The following RALYL variants were observed in gnomAD, a reference collection of about 807,000 sequenced individuals.
RALYL encodes RNA-binding Raly-like protein.
A neutral mutation model predicts 35.1 loss-of-function variants in RALYL; 29 were observed. The observed-to-expected ratio is 0.83, with a 90% CI of 0.61 to 1.13. RALYL has a LOEUF of 1.13. Among genes scored for constraint, RALYL ranks in the 50% most tolerant of loss-of-function variants. RALYL has a pLI of 0.00. For synonymous variants in RALYL, 120 were observed against 127.6 expected, an observed-to-expected ratio of 0.94 and a Z score of 0.40; for missense variants, 359 against 360.4, an observed-to-expected ratio of 1.00 and a Z score of 0.03.
At chr8:84,469,909 C>A (rs1030850269) in intron 1 of RALYL, among the ~76,000 whole-genome samples, 1 of 152,198 alleles carries the variant, frequency 6.6e-6, no homozygotes, top group Non-Finnish European at 1.5e-5. Flanking sequence ...TTTCCAGGTG[C>A]CGTCTGTCAG....
intron 1 of RALYL, among the ~76,000 whole-genome samples, chr8:84,410,951 CT>C (rs2044038997): frequency 6.6e-6 from 1 of 151,518 alleles, no homozygotes; most frequent in South Asian, 2.1e-4. Flanking sequence ...AGTTAATGGC[CT>C]TTTCACTGAA....
chr8:84,494,517 G>A (rs1231005711), intron 1 of RALYL, among the ~76,000 whole-genome samples: 2 of 152,158 alleles, frequency 1.3e-5, no homozygotes, highest in East Asian at 3.9e-4. Flanking sequence ...TCATGATATT[G>A]ATTCTTCCTG....
intron 1 of RALYL, among the ~76,000 whole-genome samples, chr8:84,523,750 G>A (rs2058665822): frequency 6.8e-6 from 1 of 146,846 alleles, no homozygotes; most frequent in Non-Finnish European, 1.5e-5. Context: ...CCACCTGTGA[G>A]TTAGAATATG....
intron 1 of RALYL, among the ~76,000 whole-genome samples, chr8:84,200,846 T>G (rs181043311): frequency 2.3e-4 from 35 of 152,312 alleles, no homozygotes; most frequent in African/African-American, 8.4e-4. Context: ...CACTTAACTC[T>G]TTTACTAGTT....
In RALYL at chr8:84,619,733, G is replaced by A. The variant is rs957131228; in HGVS notation, c.256+90156G>A. Among the ~76,000 whole-genome samples the A allele has an allele frequency of 2.2e-4, 33 of 151,604 alleles. 1 individual carries two copies. The highest frequency in any genetic ancestry group is 4.1e-4 in the African/African-American group (17 of 41,022). ...GCATGATTTTGCAGCAGCTGGTGCC[G>A]GTTGTTCCTTTCCATGTTTAGCGCT... is the stretch of plus-strand genomic sequence containing the variant. On this transcript the variant is annotated intron_variant, in intron 2 of 8. Transcript: ENST00000521268.
chr8:84,823,693 C>T (rs1379661281), intron 4 of RALYL, among the ~76,000 whole-genome samples: 1 of 152,034 alleles, frequency 6.6e-6, no homozygotes, highest in African/African-American at 2.4e-5. Context: ...ATTTTCCTCT[C>T]ACTCTCCTTC....
chr8:84,572,941 A>AT (rs548195839), intron 2 of RALYL, among the ~76,000 whole-genome samples: 16 of 150,778 alleles, frequency 1.1e-4, no homozygotes, highest in African/African-American at 3.2e-4. Context: ...TTTTTGCTTA[A>AT]TTTTTTTATG....
At chr8:84,777,172 G>C (rs1050686358) in intron 3 of RALYL, among the ~76,000 whole-genome samples, 2 of 152,146 alleles carry the variant, frequency 1.3e-5, no homozygotes, top group Admixed American at 6.5e-5. Context: ...GACAATAAAG[G>C]GTTTGTTCAA....
intron 1 of RALYL, among the ~76,000 whole-genome samples, chr8:84,394,735 T>C (rs1861418005): frequency 1.3e-5 from 2 of 151,960 alleles, no homozygotes; most frequent in South Asian, 4.1e-4. Context: ...ATTAGATTAA[T>C]AATGGAATTC....
At chr8:84,630,768 C>T (rs1261604621) in intron 2 of RALYL, among the ~76,000 whole-genome samples, 1 of 151,940 alleles carries the variant, frequency 6.6e-6, no homozygotes, top group Non-Finnish European at 1.5e-5. Flanking sequence ...GTAGGTACTC[C>T]ATAAACATCT....
Position 84,420,487 on chromosome 8 carries a change from G to T in RALYL, c.-23-108812G>T, listed in dbSNP as rs1253553022. On this transcript the variant is annotated intron_variant, in intron 1 of 8. Coordinates refer to ENST00000521268, the MANE Select transcript of RALYL (RefSeq NM_173848.7). ...GTTGGTTGCAAAAATTTTCTCCCAT[G>T]TTGTAGGTTGCCTGTTCACTCTGAT... Among the ~76,000 whole-genome samples, 27 of 150,394 alleles carry T rather than the reference G, an allele frequency of 1.8e-4. No homozygotes were observed. In the East Asian group the frequency reaches 3.5e-3, roughly 20 times the overall value.
At chr8:84,323,162 T>G (rs1799865975) in intron 1 of RALYL, among the ~76,000 whole-genome samples, 1 of 152,092 alleles carries the variant, frequency 6.6e-6, no homozygotes, top group Non-Finnish European at 1.5e-5. Context: ...TGGGTCTTCA[T>G]AAATAGAAGT....
chr8:84,531,053 T>C (rs369020518), intron 2 of RALYL, among the ~76,000 whole-genome samples: 1 of 151,752 alleles, frequency 6.6e-6, no homozygotes, highest in African/African-American at 2.4e-5. Flanking sequence ...ATCTTCCTCC[T>C]TCTTTCACTG....
chr8:84,674,805 G>A (rs1039092236), intron 2 of RALYL, among the ~76,000 whole-genome samples: 7 of 151,842 alleles, frequency 4.6e-5, no homozygotes, highest in African/African-American at 7.3e-5. Context: ...AGGTTATTAC[G>A]CATGAAATCC....
intron 2 of RALYL, among the ~76,000 whole-genome samples, chr8:84,568,252 A>G (rs1042080047): frequency 2.4e-5 from 3 of 126,432 alleles, no homozygotes; most frequent in South Asian, 2.5e-4. Flanking sequence ...TCCTGTGTCC[A>G]TGTGTTCTCA....
intron 3 of RALYL, among the ~76,000 whole-genome samples, chr8:84,784,583 C>G (rs1039605660): frequency 1.3e-5 from 2 of 152,080 alleles, no homozygotes; most frequent in African/African-American, 4.8e-5. Context: ...TAATTATGAA[C>G]AAGTTCTGCA....
At chr8:84,463,908 G>A (rs2051150191) in intron 1 of RALYL, among the ~76,000 whole-genome samples, 1 of 151,686 alleles carries the variant, frequency 6.6e-6, no homozygotes, top group South Asian at 2.1e-4. Context: ...TGTTTTTTAT[G>A]CCTGGCAACC....
chr8:84,701,913 A>C (rs919000770), intron 2 of RALYL, among the ~76,000 whole-genome samples: 3 of 152,138 alleles, frequency 2.0e-5, no homozygotes, highest in African/African-American at 7.2e-5. Flanking sequence ...CTCACATGGC[A>C]TGTTATGTTG....
intron 5 of RALYL, among the ~76,000 whole-genome samples, chr8:84,860,182 G>A (rs1837835804): frequency 6.6e-6 from 1 of 152,166 alleles, no homozygotes; most frequent in Admixed American, 6.5e-5. Flanking sequence ...AGTGAATATA[G>A]TGAACTTTAC....
Sources: allele counts gnomAD v4.1 joint callset (sites outside exome capture counted in the v4.1 genomes callset), GRCh38; gene constraint gnomAD v4.1.1; transcripts MANE v1.5; gene names NCBI Gene and HGNC (gene_info 2026-07-23, HGNC 2026-07-21).